The following PCDH15 variants were observed in gnomAD, a reference collection of about 807,000 sequenced individuals.
PCDH15 encodes protocadherin related 15.
In PCDH15, 129 loss-of-function variants were observed where a neutral mutation model predicts 178.5. The ratio of observed to expected loss-of-function variants is 0.72; its 90% CI spans 0.63 to 0.84. PCDH15 has a LOEUF of 0.84. PCDH15 is among the 40% of genes least tolerant of loss of function. The pLI is 0.00. For missense variants in PCDH15, 2,230 were observed against 2,099.9 expected, an observed-to-expected ratio of 1.06 and a Z score of -1.21; for synonymous variants, 800 against 732.0, an observed-to-expected ratio of 1.09 and a Z score of -1.50.
At chr10:54,673,211 T>C (rs1313072205) in intron 1 of PCDH15, among the ~76,000 whole-genome samples, 1 of 152,010 alleles carries the variant, frequency 6.6e-6, no homozygotes, top group Non-Finnish European at 1.5e-5. Context: ...CCTAATGCTA[T>C]CCCTCCCCTA....
At chr10:54,286,879 C>A (rs889528705) in intron 8 of PCDH15, among the ~76,000 whole-genome samples, 9 of 152,220 alleles carry the variant, frequency 5.9e-5, no homozygotes, top group African/African-American at 2.2e-4. Flanking sequence ...CCACCCACCT[C>A]CCAAAGTGCT....
chr10:55,344,915 A>G (rs1844705408), intron 2 of PCDH15, among the ~76,000 whole-genome samples: 1 of 152,070 alleles, frequency 6.6e-6, no homozygotes, highest in East Asian at 1.9e-4. Context: ...GTACTTAGAA[A>G]GCAGTAAGTA....
chr10:53,976,862 C>T (rs900518443), intron 21 of PCDH15, among the ~76,000 whole-genome samples: 1 of 151,534 alleles, frequency 6.6e-6, no homozygotes, highest in African/African-American at 2.4e-5. Flanking sequence ...TTTGTTTTAT[C>T]TGAGTTATTT....
chr10:54,299,747 T>TA (rs2060035047), intron 8 of PCDH15, among the ~76,000 whole-genome samples: 1 of 152,220 alleles, frequency 6.6e-6, no homozygotes, highest in Non-Finnish European at 1.5e-5. Flanking sequence ...AGGAAACTCT[T>TA]GTAGAAGCAG....
intron 2 of PCDH15, among the ~76,000 whole-genome samples, chr10:55,032,740 G>A (rs1840643000): frequency 6.6e-6 from 1 of 152,266 alleles, no homozygotes; most frequent in East Asian, 1.9e-4. Context: ...TCAAGACAGT[G>A]GGAGAGTGAC....
intron 25 of PCDH15, among the ~76,000 whole-genome samples, chr10:53,936,677 A>C (rs930913155): frequency 1.3e-5 from 2 of 152,156 alleles, no homozygotes; most frequent in African/African-American, 2.4e-5. Flanking sequence ...TAAATATTAA[A>C]TCTAATCACA....
rs557516162 is a variant in PCDH15 at position 54,238,599 on chromosome 10, A to C, written c.877-1668T>G. The stretch of plus-strand genomic sequence containing the variant: ...AAATAAATATCAAAATTACTCCATT[A>C]AATCCAGAAGATTATTGTTCTTAAA... On this transcript the variant is annotated intron_variant, in intron 8 of 37. Transcript: ENST00000644397. Among the ~76,000 whole-genome samples, 9 of 151,916 alleles carry C rather than the reference A, an allele frequency of 5.9e-5. No individual in the cohort carries two copies. The East Asian group carries it at 1.7e-3, about 29-fold the overall frequency.
In PCDH15 at chr10:53,810,639, G is replaced by A. The variant is rs371717912; in HGVS notation, c.4588C>T (p.Arg1530Cys). Reference sequence around the variant, plus strand: ...CCAGCTGGTGGTAACAATCGACGGCGACTCCCATATTGAGGCATTTCATAC... The same window carrying A: ...CCAGCTGGTGGTAACAATCGACGGCAACTCCCATATTGAGGCATTTCATAC... Reference protein sequence around the residue: ...HGYEMPQYGSRRRLLPPAGQE... With the variant: ...HGYEMPQYGSCRRLLPPAGQE... The change falls in exon 37 of 38, where the codon CGC becomes TGC. Residue 1530 changes from arginine (R) to cysteine (C), a missense_variant. By Grantham distance (180) the Arg-to-Cys change is radical (BLOSUM62 -3). Transcript: ENST00000644397. The A allele has an allele frequency of 1.7e-4, 267 of 1,613,544 alleles. No individual in the cohort carries two copies. The highest frequency in any genetic ancestry group is 3.3e-4 in the Middle Eastern group (2 of 6,084).
chr10:55,498,366 A>G (rs1186435547), intron 2 of PCDH15, among the ~76,000 whole-genome samples: 1 of 151,864 alleles, frequency 6.6e-6, no homozygotes, highest in Non-Finnish European at 1.5e-5. Context: ...TTGAAATTCC[A>G]CAGTATAGCT....
chr10:53,914,771 AT>A (rs1216797283), intron 25 of PCDH15, among the ~76,000 whole-genome samples: 3 of 152,218 alleles, frequency 2.0e-5, no homozygotes, highest in Non-Finnish European at 2.9e-5. Context: ...ATAAAAAAAA[AT>A]AAAAACAACT....
chr10:54,638,697 G>GA (rs754484491), intron 2 of PCDH15, among the ~76,000 whole-genome samples: 67 of 151,796 alleles, frequency 4.4e-4, no homozygotes, highest in Non-Finnish European at 8.1e-4. Flanking sequence ...TCTACTCAAA[G>GA]AAAAAGAAAT....
intron 2 of PCDH15, among the ~76,000 whole-genome samples, chr10:54,952,963 T>A (rs181583595): frequency 7.9e-4 from 120 of 151,788 alleles, no homozygotes; most frequent in African/African-American, 2.8e-3. Flanking sequence ...ATTCTTTTCT[T>A]CCCAATCTGT....
At chr10:54,420,797 AC>A (rs1186668421) in intron 3 of PCDH15, among the ~76,000 whole-genome samples, 1 of 152,152 alleles carries the variant, frequency 6.6e-6, no homozygotes, top group African/African-American at 2.4e-5. Context: ...GGATTTGCTG[AC>A]ATTCTCAACA....
chr10:54,191,644 G>A (rs561601605), intron 11 of PCDH15, among the ~76,000 whole-genome samples: 2 of 151,800 alleles, frequency 1.3e-5, no homozygotes, highest in Admixed American at 6.6e-5. Flanking sequence ...TGGGCCAGAC[G>A]CAGTGGCTCA....
At chr10:53,943,179 G>A (rs1174789493) in intron 23 of PCDH15, among the ~76,000 whole-genome samples, 8 of 151,914 alleles carry the variant, frequency 5.3e-5, no homozygotes, top group African/African-American at 7.3e-5. Context: ...TGCACCTTTA[G>A]CTTTAACATG....
intron 28 of PCDH15, among the ~76,000 whole-genome samples, chr10:53,842,701 A>G (rs143416603): frequency 6.6e-6 from 1 of 152,328 alleles, no homozygotes; most frequent in African/African-American, 2.4e-5. Context: ...TTCCATTAAT[A>G]AGCTTCTTCC....
chr10:54,564,491 T>C (rs534400648), intron 2 of PCDH15, among the ~76,000 whole-genome samples: 1 of 152,316 alleles, frequency 6.6e-6, no homozygotes, highest in Non-Finnish European at 1.5e-5. Context: ...AAATAAAATG[T>C]TCAGTCTAAA....
chr10:55,229,910 A>G (rs992846019), intron 1 of PCDH15, among the ~76,000 whole-genome samples: 2 of 152,000 alleles, frequency 1.3e-5, no homozygotes, highest in East Asian at 1.9e-4. Context: ...GCCTAGTGCT[A>G]TAATTCTGAA....
At chr10:55,334,810 T>C (rs2132314915) in intron 2 of PCDH15, among the ~76,000 whole-genome samples, 1 of 152,282 alleles carries the variant, frequency 6.6e-6, no homozygotes, top group Non-Finnish European at 1.5e-5. Context: ...AAAACATGGC[T>C]CTATGGAGAA....
Sources: gnomAD v4.1 joint callset for allele counts (sites outside exome capture counted in the v4.1 genomes callset) on GRCh38, gnomAD v4.1.1 for gene constraint, MANE v1.5 for transcripts, NCBI Gene and HGNC (gene_info 2026-07-23, HGNC 2026-07-21) for gene names.